PPM1M: variants seen among roughly 807,000 people sequenced by gnomAD.
The protein encoded by PPM1M is protein phosphatase 1M.
Under a neutral mutation model 50.8 loss-of-function variants are expected in PPM1M, and 44 were observed. The observed-to-expected ratio is 0.87, with a 90% CI of 0.68 to 1.11. The LOEUF is 1.11. PPM1M is among the 50% of genes most tolerant of loss of function. The pLI is 0.00. For missense variants in PPM1M, 556 were observed against 593.4 expected, an observed-to-expected ratio of 0.94 and a Z score of 0.66; for synonymous variants, 224 against 242.9, an observed-to-expected ratio of 0.92 and a Z score of 0.72.
At chr3:52,249,365 C>T (rs1559448872) in intron 9 of PPM1M, 43 bp downstream of exon 9, 3 of 1,561,580 alleles carry the variant, frequency 1.9e-6, no homozygotes, top group East Asian at 2.4e-5. Flanking sequence ...GGGTTGGTGC[C>T]AGCAGCAAGC....
At chr3:52,246,158 G>C in intron 1 of PPM1M, 110 bp downstream of exon 1, 1 of 1,028,156 alleles carries the variant, frequency 9.7e-7, no homozygotes, top group Non-Finnish European at 1.2e-6. Context: ...ACCCACCTGT[G>C]GACAGCCCCT....
chr3:52,248,112 G>C, intron 4 of PPM1M, 41 bp from the exon 5 acceptor site: 1 of 1,544,860 alleles, frequency 6.5e-7, no homozygotes, highest in South Asian at 1.2e-5. Flanking sequence ...GGTGAGGGTG[G>C]AGGCCTCCTC....
chr3:52,249,924 A>T lies in PPM1M; in HGVS notation c.*110A>T. ...CCTGCCCTATCCCTAGCCACCGCCC[A>T]GTGCTCTCACTATCCACCTCAACAC... On this transcript the variant is annotated 3_prime_UTR_variant, in exon 10 of 10. Transcript: ENST00000323588. 5 of 968,990 alleles carry T rather than the reference A, an allele frequency of 5.2e-6. No individual in the cohort carries two copies. Among genetic ancestry groups the T allele is most frequent in the Non-Finnish European group, 7.8e-6 (5 of 645,156 alleles). The allele number at this position is 968,990 out of a possible 1,614,324, so 60.0% of individuals were successfully genotyped here.
chr3:52,246,665 G>C, intron 1 of PPM1M, 30 bp from the exon 2 acceptor site: 1 of 1,277,208 alleles, frequency 7.8e-7, no homozygotes, highest in Non-Finnish European at 1.0e-6. Flanking sequence ...GTGTGTCCCT[G>C]GAGGGTCGCT....
Position 52,248,326 on chromosome 3 carries a change from C to A in PPM1M, c.796-9C>A. 1 of 1,608,930 alleles carries A rather than the reference C, an allele frequency of 6.2e-7. No individual in the cohort carries two copies. The highest frequency in any genetic ancestry group is 8.5e-7 in the Non-Finnish European group (1 of 1,177,394). ...GGAGTATGACCTGAGCGCAGCCTCC[C>A]CACCCCAGGCCTTTGTCTATCCTGA... On this transcript the variant is annotated splice_polypyrimidine_tract_variant and intron_variant, in intron 5 of 9. Transcript: ENST00000323588.
At chr3:52,246,508 T>TA in intron 1 of PPM1M, 187 bp from the exon 2 acceptor site, 2 of 529,782 alleles carry the variant, frequency 3.8e-6, no homozygotes, top group Non-Finnish European at 5.9e-6. Flanking sequence ...CCCTGACTTT[T>TA]ACCTTAGCCA....
In PPM1M at chr3:52,246,719, A is replaced by G. The variant is rs181199719; in HGVS notation, c.249A>G (p.Glu83=). 2.1e-5 allele frequency: 27 copies of G among 1,312,232 alleles called. No homozygotes were observed. The highest frequency in any genetic ancestry group is 3.0e-5 in the African/African-American group (2 of 66,306). 81.3% of individuals were successfully genotyped at this position (1,312,232 alleles called of 1,614,324 possible). The change falls in exon 2 of 10, where the codon GAA becomes GAG. Residue 83 remains glutamate (E), a synonymous_variant. Coordinates refer to ENST00000323588, the MANE Select transcript of PPM1M (RefSeq NM_144641.4). ...YAEIINAEKS[E]FNEDQAACGK... ...GGATTATCAATGCAGAGAAATCTGA[A>G]TTCAATGAGGATCAAGCCGCCTGTG...
intron 8 of PPM1M, 24 bp from the exon 9 acceptor site, chr3:52,249,150 A>G (rs750067788): frequency 6.2e-7 from 1 of 1,613,296 alleles, no homozygotes; most frequent in Non-Finnish European, 8.5e-7. Flanking sequence ...GGGAGTGTGC[A>G]GGATCCTCAG....
In PPM1M at chr3:52,248,162, G is replaced by C; in HGVS notation, c.720G>C (p.Leu240Phe). The C allele has an allele frequency of 1.2e-6, 2 of 1,612,028 alleles. No homozygotes were observed. Among genetic ancestry groups the C allele is most frequent in the Non-Finnish European group, 1.7e-6 (2 of 1,179,096 alleles). ...TCTCTCCTCAATCCAGGGCCATCTTGGTGCGGAGAGATGAGATACGGCCAC... is the reference window on the plus strand; with the variant it reads ...TCTCTCCTCAATCCAGGGCCATCTTCGTGCGGAGAGATGAGATACGGCCAC... The part of the protein sequence containing the change: ...MANAGDSRAI[L>F]VRRDEIRPLS... The change falls in exon 5 of 10, where the codon TTG becomes TTC. Residue 240 changes from leucine to phenylalanine, a missense_variant. Coordinates refer to ENST00000323588, the MANE Select transcript of PPM1M (RefSeq NM_144641.4).
intron 4 of PPM1M, among the ~76,000 whole-genome samples, 173 bp from the exon 5 acceptor site, chr3:52,247,980 C>T (rs1699890501): frequency 6.6e-6 from 1 of 152,108 alleles, no homozygotes; most frequent in Non-Finnish European, 1.5e-5. Context: ...TCAAAGGCCC[C>T]GCTAAAGGGC....
Position 52,247,708 on chromosome 3 carries a change from G to A in PPM1M, c.624G>A (p.Glu208=), listed in dbSNP as rs867729425. 1.2e-6 allele frequency: 2 copies of A among 1,605,608 alleles called. No individual in the cohort carries two copies. The highest frequency in any genetic ancestry group is 1.7e-4 in the Middle Eastern group (1 of 5,996). The change falls in exon 4 of 10, where the codon GAG becomes GAA. Residue 208 remains glutamate, a synonymous_variant. Coordinates refer to ENST00000323588, the MANE Select transcript of PPM1M (RefSeq NM_144641.4). ...ECDEVIGREL[E]ASGQMGGCTA... ...ATGAGGTGATCGGGCGGGAGCTGGAGGCCTCAGGCCAGATGGGCGGCTGCA... is the reference window on the plus strand; with the variant it reads ...ATGAGGTGATCGGGCGGGAGCTGGAAGCCTCAGGCCAGATGGGCGGCTGCA...
chr3:52,246,572 G>A, intron 1 of PPM1M, 123 bp from the exon 2 acceptor site: 1 of 549,490 alleles, frequency 1.8e-6, no homozygotes, highest in Non-Finnish European at 3.0e-6. Context: ...TGTGTGTTAG[G>A]GACAGCACTG....
rs1265606344 is a variant in PPM1M, at chr3:52,249,684, C to T, written c.1250C>T (p.Ala417Val). ...QEDPHRFSKL[A>V]QMLIHSTQGK... ...GGTCTTCACAGGTTCTCAAAGCTGG[C>T]CCAGATGCTGATACACAGCACACAG... Residue 417 changes from alanine to valine, a missense_variant, in exon 10 of 10, where the codon GCC (alanine) becomes GTC (valine). Physicochemically the swap from Ala to Val is moderately conservative, Grantham distance 64 (BLOSUM62 0). Transcript: ENST00000323588. 6.2e-7 allele frequency: 1 copy of T among 1,613,884 alleles called. No individual in the cohort carries two copies. Among genetic ancestry groups the T allele is most frequent in the Non-Finnish European group, 8.5e-7 (1 of 1,179,840 alleles).
Position 52,247,310 on chromosome 3 carries a change from G to C in PPM1M, c.597+82G>C, listed in dbSNP as rs1296860204. 6 of 1,499,944 alleles carry C rather than the reference G, an allele frequency of 4.0e-6. No individual in the cohort carries two copies. In the African/African-American group the frequency reaches 8.3e-5, roughly 21 times the overall value. The allele number at this position is 1,499,944 out of a possible 1,614,324, so 92.9% of individuals were successfully genotyped here. A position where few individuals can be genotyped will look rare whatever the true frequency, so the allele number is the denominator to read the frequency against. Reference sequence around the variant, plus strand: ...GGAAATGGCATCTCTGTATACCCATGGTCATCACACCAGATCCTTGGATTG... The same window carrying C: ...GGAAATGGCATCTCTGTATACCCATCGTCATCACACCAGATCCTTGGATTG... On this transcript the variant is annotated intron_variant, in intron 3 of 9. Transcript: ENST00000323588.
In PPM1M at chr3:52,247,725, G is replaced by C; in HGVS notation, c.641G>C (p.Gly214Ala). ...GAGCTGGAGGCCTCAGGCCAGATGG[G>C]CGGCTGCACAGCCCTGGTGGCTGTG... is the stretch of plus-strand genomic sequence containing the variant. Reference protein sequence around the residue: ...GRELEASGQMGGCTALVAVSL... With the variant: ...GRELEASGQMAGCTALVAVSL... The change falls in exon 4 of 10, where the codon GGC becomes GCC. Residue 214 changes from glycine to alanine, a missense_variant. By Grantham distance (60) the Gly-to-Ala change is moderately conservative. Transcript: ENST00000323588. 1.2e-6 allele frequency: 2 copies of C among 1,607,926 alleles called. No homozygotes were observed. The highest frequency in any genetic ancestry group is 1.7e-6 in the Non-Finnish European group (2 of 1,177,356).
intron 7 of PPM1M, 73 bp from the exon 8 acceptor site, chr3:52,248,883 G>C: frequency 7.7e-7 from 1 of 1,299,734 alleles, no homozygotes; most frequent in Non-Finnish European, 1.1e-6. Context: ...TGTGTGCTCT[G>C]CAGTGCTAGG....
chr3:52,248,253 A>C lies in PPM1M; in HGVS notation c.795+16A>C, dbSNP rs200264266. The C allele has an allele frequency of 8.1e-6, 13 of 1,611,780 alleles. No individual in the cohort carries two copies. Among genetic ancestry groups the C allele is most frequent in the Non-Finnish European group, 1.1e-5 (13 of 1,178,838 alleles). On this transcript the variant is annotated intron_variant, in intron 5 of 9. Coordinates refer to ENST00000323588, the MANE Select transcript of PPM1M (RefSeq NM_144641.4). ...CCAGCAGCTGGTAGGTGCCCTTGGC[A>C]GCATGGAGGCTGTGAAGCTCCAACT... is the stretch of plus-strand genomic sequence containing the variant.
intron 8 of PPM1M, 36 bp from the exon 9 acceptor site, chr3:52,249,138 A>G: frequency 6.2e-7 from 1 of 1,612,290 alleles, no homozygotes; most frequent in Non-Finnish European, 8.5e-7. Flanking sequence ...GGGAGTCGGG[A>G]AGGGAGTGTG....
chr3:52,247,604 G>A (rs1007609395), intron 3 of PPM1M, 78 bp from the exon 4 acceptor site: 1 of 957,214 alleles, frequency 1.0e-6, no homozygotes, highest in African/African-American at 1.6e-5. Context: ...GTGAACTGTA[G>A]GGTAGGGTGG....
Sources: allele counts gnomAD v4.1 joint callset (sites outside exome capture counted in the v4.1 genomes callset), GRCh38; gene constraint gnomAD v4.1.1; transcripts MANE v1.5; gene names NCBI Gene and HGNC (gene_info 2026-07-23, HGNC 2026-07-21).